The following EFCAB8 variants were observed in gnomAD, a reference collection of about 807,000 sequenced individuals.
The protein encoded by EFCAB8 is EF-hand calcium binding domain 8.
EFCAB8 carries 100 observed loss-of-function variants against 116.3 expected under a neutral mutation model. That is an observed-to-expected ratio of 0.86 (90% CI 0.73 to 1.02). The LOEUF (loss-of-function observed/expected upper bound fraction) is 1.02, where lower values mean the gene tolerates loss of function less well. Among genes scored for constraint, EFCAB8 ranks in the 50% least tolerant of loss-of-function variants. The pLI is 0.00. For synonymous variants in EFCAB8, 558 were observed against 567.9 expected (o/e 0.98, Z 0.25); for missense variants, 1,320 against 1,416.9 (o/e 0.93, Z 1.10).
chr20:32,919,932 C>T (rs1987367824), intron 19 of EFCAB8, 146 bp from the exon 20 acceptor site: 8 of 1,030,634 alleles, frequency 7.8e-6, no homozygotes, highest in Non-Finnish European at 9.8e-6. Context: ...TTTCCGGGAT[C>T]CACTGAGCGC....
At chr20:32,862,768 C>G (rs1322618932) in intron 1 of EFCAB8, among the ~76,000 whole-genome samples, 1 of 152,068 alleles carries the variant, frequency 6.6e-6, no homozygotes, top group African/African-American at 2.4e-5. Context: ...GCTGGGATTA[C>G]AGGAACCTGC....
chr20:32,873,041 C>T (rs1002191814), intron 3 of EFCAB8, among the ~76,000 whole-genome samples: 12 of 151,944 alleles, frequency 7.9e-5, no homozygotes, highest in Non-Finnish European at 1.3e-4. Flanking sequence ...TGCAGTGAGC[C>T]GAGATCGTGC....
At chr20:32,921,536 ATACCT>A (rs1429871954) in intron 20 of EFCAB8, among the ~76,000 whole-genome samples, 1 of 152,076 alleles carries the variant, frequency 6.6e-6, no homozygotes, top group African/African-American at 2.4e-5. Context: ...CTTTAAAAAA[ATACCT>A]TAGATAACTT....
chr20:32,863,231 G>A (rs538194993), intron 1 of EFCAB8, among the ~76,000 whole-genome samples: 12 of 152,176 alleles, frequency 7.9e-5, no homozygotes, highest in African/African-American at 1.7e-4. Context: ...CTAACAAAAC[G>A]CTGTCATCCA....
intron 17 of EFCAB8, among the ~76,000 whole-genome samples, chr20:32,916,053 T>C (rs535064562): frequency 2.0e-5 from 3 of 152,270 alleles, no homozygotes; most frequent in South Asian, 2.1e-4. Flanking sequence ...CCAGTTTCTG[T>C]CTTTGTTCAC....
At chr20:32,884,487 C>T in intron 5 of EFCAB8, among the ~76,000 whole-genome samples, 1 of 152,202 alleles carries the variant, frequency 6.6e-6, no homozygotes, top group Admixed American at 6.5e-5. Context: ...TCACAATCTA[C>T]CCAGAGCCAT....
intron 3 of EFCAB8, 63 bp downstream of exon 3, chr20:32,867,810 T>C (rs1950041440): frequency 2.7e-6 from 4 of 1,500,256 alleles, no homozygotes; most frequent in Non-Finnish European, 2.7e-6. Flanking sequence ...ACCGAGTACC[T>C]GGGGTGTGTG....
intron 23 of EFCAB8, among the ~76,000 whole-genome samples, chr20:32,956,044 C>T (rs1988955258): frequency 6.6e-6 from 1 of 151,880 alleles, no homozygotes; most frequent in Non-Finnish European, 1.5e-5. Flanking sequence ...TCCTTGGTTT[C>T]TTTTTTCTTC....
rs35534837 is a variant in EFCAB8, at chr20:32,870,859, C to CT, written c.208+3126dup. 4.5e-3 allele frequency among the ~76,000 whole-genome samples: 653 copies of CT among 146,174 alleles called. 5 individuals are homozygous for CT. In the Middle Eastern group the frequency reaches 0.046, roughly 10 times the overall value. On this transcript the variant is annotated intron_variant, in intron 3 of 26. Transcript: ENST00000400522. Reference sequence around the variant, plus strand: ...TCTTTAGTCATTTCTACTTCTTCTTCTTTTTTTTTTTTTTCCTGAAATGGA... The same window carrying CT: ...TCTTTAGTCATTTCTACTTCTTCTTCTTTTTTTTTTTTTTTCCTGAAATGGA...
rs1987856262 is a variant in EFCAB8 at position 32,930,496 on chromosome 20, T to C, written c.2511T>C (p.Asn837=). The C allele has an allele frequency of 2.6e-6, 4 of 1,552,030 alleles. No homozygotes were observed. The highest frequency in any genetic ancestry group is 3.5e-6 in the Non-Finnish European group (4 of 1,147,102). The part of the protein sequence containing the change: ...GYIYAWSLHE[N]GGLLGKFPVD... ...TCTACGCCTGGTCCCTCCATGAGAA[T>C]GGAGGCCTGCTGGGGAAGTTCCCTG... Residue 837 remains asparagine, a synonymous_variant, in exon 21 of 27, where the codon AAT becomes AAC. Coordinates refer to ENST00000400522, the MANE Select transcript of EFCAB8 (RefSeq NM_001143967.2).
chr20:32,912,283 C>CA (rs956356495), intron 16 of EFCAB8, among the ~76,000 whole-genome samples: 7 of 151,520 alleles, frequency 4.6e-5, no homozygotes, highest in African/African-American at 9.7e-5. Context: ...GCCAAAAATA[C>CA]AAAAAAAATT....
intron 4 of EFCAB8, among the ~76,000 whole-genome samples, chr20:32,877,617 C>T (rs1985048899): frequency 6.6e-6 from 1 of 152,260 alleles, no homozygotes; most frequent in Non-Finnish European, 1.5e-5. Context: ...TCCTAGCATT[C>T]TCAGGGCTTT....
rs779771830 is a variant in EFCAB8, at chr20:32,863,833, AGGTAAGAAAGACAATT to A, written c.42_42+15del. ...TTAGCAGAGATCCCTCAACTCCAAAAGGTAAGAAAGACAATTATCTGAACTAATAAAGGGTGGGGCA... is the reference window on the plus strand; with the variant it reads ...TTAGCAGAGATCCCTCAACTCCAAAAATCTGAACTAATAAAGGGTGGGGCA... On this transcript the variant is annotated splice_donor_variant and splice_donor_5th_base_variant and coding_sequence_variant and intron_variant, in exon 2 of 27. Transcript: ENST00000400522. LOFTEE classifies it high-confidence loss of function. 6.4e-7 allele frequency: 1 copy of A among 1,551,336 alleles called. No homozygotes were observed. The highest frequency in any genetic ancestry group is 8.7e-7 in the Non-Finnish European group (1 of 1,146,866).
chr20:32,917,843 A>T (rs541887087), intron 18 of EFCAB8, among the ~76,000 whole-genome samples: 1 of 152,132 alleles, frequency 6.6e-6, no homozygotes, highest in African/African-American at 2.4e-5. Flanking sequence ...GCTACTACAC[A>T]TTACCACTGT....
chr20:32,867,744 G>A lies in EFCAB8; in HGVS notation c.205G>A (p.Gly69Arg). The part of the protein sequence containing the change: ...KMFEEDINST[G>R]ALGMDAFIKA... The stretch of plus-strand genomic sequence containing the variant: ...GTTTGAGGAGGACATCAACTCGACT[G>A]GAGGTAAGGCCGCTCTGTAGGCTCG... The change falls in exon 3 of 27, where the codon GGA (glycine) becomes AGA (arginine). Residue 69 changes from glycine to arginine, a missense_variant. Gly to Arg is a moderately radical substitution (Grantham distance 125). Coordinates refer to ENST00000400522, the MANE Select transcript of EFCAB8 (RefSeq NM_001143967.2). The A allele has an allele frequency of 2.6e-6, 4 of 1,551,234 alleles. No individual in the cohort carries two copies. The highest frequency in any genetic ancestry group is 3.5e-6 in the Non-Finnish European group (4 of 1,146,882).
At chr20:32,945,298 G>A (rs1216319524) in intron 23 of EFCAB8, among the ~76,000 whole-genome samples, 2 of 152,038 alleles carry the variant, frequency 1.3e-5, no homozygotes, top group Non-Finnish European at 2.9e-5. Context: ...TGGGACTACA[G>A]GTGCATGCCA....
chr20:32,961,785 G>A lies in EFCAB8; in HGVS notation c.*176G>A, dbSNP rs1198949074. Among the ~76,000 whole-genome samples the A allele has an allele frequency of 2.0e-5, 3 of 152,222 alleles. No homozygotes were observed. Among genetic ancestry groups the A allele is most frequent in the South Asian group, 2.1e-4 (1 of 4,836 alleles). ...CTAATCTTGTCTTCTCTCTGGCCCC[G>A]CACAGAGCCCTGGGGCAGAAAATAA... On this transcript the variant is annotated 3_prime_UTR_variant, in exon 27 of 27. Transcript: ENST00000400522.
At chr20:32,919,351 G>T (rs1399695686) in intron 19 of EFCAB8, among the ~76,000 whole-genome samples, 1 of 152,058 alleles carries the variant, frequency 6.6e-6, no homozygotes, top group African/African-American at 2.4e-5. Flanking sequence ...AATCCAACAT[G>T]GTCTGCTAGG....
Position 32,918,398 on chromosome 20 carries a change from A to G in EFCAB8, c.2098A>G (p.Arg700Gly). The change falls in exon 19 of 27, where the codon AGG (arginine) becomes GGG (glycine). Residue 700 changes from arginine to glycine, a missense_variant. Coordinates refer to ENST00000400522, the MANE Select transcript of EFCAB8 (RefSeq NM_001143967.2). ...GAACAACTGCCTGGCTGAGAGCCAC[A>G]GGCCCAGCAGACCCTATGTGGAGCG... ...DVNNCLAESH[R>G]PSRPYVEREK... 1 of 1,551,740 alleles carries G rather than the reference A, an allele frequency of 6.4e-7. No homozygotes were observed. Among genetic ancestry groups the G allele is most frequent in the Non-Finnish European group, 8.7e-7 (1 of 1,146,996 alleles).
Sources: gnomAD v4.1 joint callset for allele counts (sites outside exome capture counted in the v4.1 genomes callset) on GRCh38, gnomAD v4.1.1 for gene constraint, MANE v1.5 for transcripts, NCBI Gene and HGNC (gene_info 2026-07-23, HGNC 2026-07-21) for gene names.